The following MYBPC2 variants were observed in gnomAD, a reference collection of about 807,000 sequenced individuals.
MYBPC2 encodes the protein myosin binding protein C2, also known as myosin-binding protein C, fast-type.
A neutral mutation model predicts 137.0 loss-of-function variants in MYBPC2; 122 were observed. The ratio of observed to expected loss-of-function variants is 0.89; its 90% CI spans 0.77 to 1.03. MYBPC2 has a LOEUF of 1.03. Ranked by LOEUF, MYBPC2 falls within the 50% of genes least tolerant of loss-of-function variation. The probability of loss-of-function intolerance (pLI) is 0.00; values close to 1 mark genes in which losing one functional copy is unlikely to be tolerated. For missense variants in MYBPC2, 1,500 were observed against 1,534.4 expected (o/e 0.98, Z 0.37); for synonymous variants, 626 against 612.3 (o/e 1.02, Z -0.33).
At chr19:50,440,342 A>ATAAATAAATAAG (rs2122582679) in intron 7 of MYBPC2, among the ~76,000 whole-genome samples, 1 of 151,172 alleles carries the variant, frequency 6.6e-6, no homozygotes, top group Non-Finnish European at 1.5e-5. Context: ...AAATAAATAA[A>ATAAATAAATAAG]TAAATAAATA....
Position 50,435,711 on chromosome 19 carries a change from G to A in MYBPC2, c.110-65G>A. 7.4e-7 allele frequency: 1 copy of A among 1,353,248 alleles called. No individual in the cohort carries two copies. 83.8% of individuals were successfully genotyped at this position (1,353,248 alleles called of 1,614,324 possible). On this transcript the variant is annotated intron_variant, in intron 2 of 27. Transcript: ENST00000357701. This position sits in a 1 kb window ranked among gnomAD's most constrained non-coding sequence, Gnocchi z 4.8. ...ACTGTCTCTAAGTCCTTTCCCCAAA[G>A]CGGCCCACTGTCCCCTCCCCAGCCT...
chr19:50,455,876 C>A (rs562862135), intron 20 of MYBPC2, among the ~76,000 whole-genome samples: 2 of 152,166 alleles, frequency 1.3e-5, no homozygotes, highest in African/African-American at 4.8e-5. Flanking sequence ...TTCTGTCATT[C>A]CATCTATCCT....
intron 7 of MYBPC2, 21 bp from the exon 8 acceptor site, chr19:50,440,859 G>A: frequency 1.2e-6 from 2 of 1,604,874 alleles, no homozygotes; most frequent in Non-Finnish European, 1.7e-6. Context: ...GATGGCCCCT[G>A]TCCGTTCCCC....
rs373203655 is a variant in MYBPC2 at position 50,460,152 on chromosome 19, C to T, written c.2904C>T (p.Phe968=). The T allele has an allele frequency of 4.7e-5, 75 of 1,597,718 alleles. No homozygotes were observed. The African/African-American group carries it at 5.6e-4, about 12-fold the overall frequency. ...GGAACAGTGAGATCATGGGGTATTT[C>T]GTCCAGAAAGCAGACAAAAAAACCA... ...DDGNSEIMGY[F]VQKADKKTME... Residue 968 remains phenylalanine (F), a synonymous_variant, in exon 24 of 28, where the codon TTC becomes TTT. Coordinates refer to ENST00000357701, the MANE Select transcript of MYBPC2 (RefSeq NM_004533.4).
rs1316948964 is a variant in MYBPC2 at position 50,454,278 on chromosome 19, C to T, written c.1923C>T (p.Pro641=). 1 of 1,613,946 alleles carries T rather than the reference C, an allele frequency of 6.2e-7. No individual in the cohort carries two copies. The highest frequency in any genetic ancestry group is 1.7e-5 in the Admixed American group (1 of 60,010). Residue 641 remains proline, a synonymous_variant, in exon 18 of 28, where the codon CCC becomes CCT. Transcript: ENST00000357701. ...IFLQVVDVPD[P]PEAVRITSVG... ...TGCCCCCTGCAGATGTCCCAGACCC[C>T]CCGGAGGCTGTGCGCATCACCTCGG...
rs969594119 is a variant in MYBPC2 at position 50,452,030 on chromosome 19, C to T, written c.1749+27C>T. On this transcript the variant is annotated intron_variant, in intron 16 of 27. Coordinates refer to ENST00000357701, the MANE Select transcript of MYBPC2 (RefSeq NM_004533.4). ...TGGGTTGGGGCCGCCCCTCTGTCCT[C>T]ACTCCCTTTCCGTTTAGGCAAGTCT... 6 of 1,547,440 alleles carry T rather than the reference C, an allele frequency of 3.9e-6. No individual in the cohort carries two copies. In the African/African-American group the frequency reaches 8.2e-5, roughly 21 times the overall value.
chr19:50,454,146 G>A lies in MYBPC2; in HGVS notation c.1876G>A (p.Glu626Lys), dbSNP rs747255135. ...CATCAAGGTCACCAACCCCGTCGGCGAGGACGTGGCTTCCATCTTCCTGCA... is the reference window on the plus strand; with the variant it reads ...CATCAAGGTCACCAACCCCGTCGGCAAGGACGTGGCTTCCATCTTCCTGCA... ...YTIKVTNPVGEDVASIFLQVV... is the reference protein window; with the variant it reads ...YTIKVTNPVGKDVASIFLQVV... The change falls in exon 17 of 28, where the codon GAG becomes AAG. Residue 626 changes from glutamate (E) to lysine (K), a missense_variant. Coordinates refer to ENST00000357701, the MANE Select transcript of MYBPC2 (RefSeq NM_004533.4). The A allele has an allele frequency of 2.7e-5, 44 of 1,613,626 alleles. No individual in the cohort carries two copies. The South Asian group carries it at 3.1e-4, about 11-fold the overall frequency.
chr19:50,461,735 C>G, intron 25 of MYBPC2, 34 bp downstream of exon 25: 1 of 1,611,500 alleles, frequency 6.2e-7, no homozygotes, highest in Non-Finnish European at 8.5e-7. Context: ...CCAGGCCCAC[C>G]CCGTCCACCC....
Position 50,454,074 on chromosome 19 carries a change from A to G in MYBPC2, c.1804A>G (p.Ser602Gly). 1 of 1,610,994 alleles carries G rather than the reference A, an allele frequency of 6.2e-7. No individual in the cohort carries two copies. The highest frequency in any genetic ancestry group is 1.3e-5 in the African/African-American group (1 of 74,928). The change falls in exon 17 of 28, where the codon AGC (serine) becomes GGC (glycine). Residue 602 changes from serine to glycine, a missense_variant. By Grantham distance (56) the Ser-to-Gly change is moderately conservative (BLOSUM62 0). Coordinates refer to ENST00000357701, the MANE Select transcript of MYBPC2 (RefSeq NM_004533.4). ...TRIEKRVDCS[S>G]FVIESAQRED... ...CATCGAGAAGCGGGTGGACTGCAGC[A>G]GCTTTGTGATTGAGAGTGCGCAGCG...
Position 50,454,292 on chromosome 19 carries a change from G to C in MYBPC2, c.1937G>C (p.Arg646Pro). The stretch of plus-strand genomic sequence containing the variant: ...GTCCCAGACCCCCCGGAGGCTGTGC[G>C]CATCACCTCGGTTGGAGAGGATTGG... ...VDVPDPPEAV[R>P]ITSVGEDWAI... The change falls in exon 18 of 28, where the codon CGC becomes CCC. Residue 646 changes from arginine (R) to proline (P), a missense_variant. By Grantham distance (103) the Arg-to-Pro change is moderately radical (BLOSUM62 -2). Coordinates refer to ENST00000357701, the MANE Select transcript of MYBPC2 (RefSeq NM_004533.4). 6.2e-7 allele frequency: 1 copy of C among 1,613,922 alleles called. No individual in the cohort carries two copies. The highest frequency in any genetic ancestry group is 8.5e-7 in the Non-Finnish European group (1 of 1,179,876).
At chr19:50,434,923 G>T (rs1350201184) in intron 1 of MYBPC2, among the ~76,000 whole-genome samples, 2 of 152,060 alleles carry the variant, frequency 1.3e-5, no homozygotes, top group Non-Finnish European at 2.9e-5. Flanking sequence ...AGGGAAACCC[G>T]ATCCCACAGA....
chr19:50,456,435 CTTTTT>C (rs573334192), intron 20 of MYBPC2, among the ~76,000 whole-genome samples: 1 of 132,418 alleles, frequency 7.6e-6, no homozygotes, highest in African/African-American at 2.8e-5. Context: ...CTCTCTCTCT[CTTTTT>C]TTTTTTTTTT....
At chr19:50,440,748 A>G in intron 7 of MYBPC2, 132 bp from the exon 8 acceptor site, 1 of 856,992 alleles carries the variant, frequency 1.2e-6, no homozygotes, top group East Asian at 2.7e-5. Flanking sequence ...GCAATGGACC[A>G]GGCGGGAAAC....
At chr19:50,442,848 G>A (rs185523066) in intron 9 of MYBPC2, among the ~76,000 whole-genome samples, 164 of 151,694 alleles carry the variant, frequency 1.1e-3, no homozygotes, top group African/African-American at 3.7e-3. Flanking sequence ...CATGATCTCA[G>A]TTCACTGCAA....
In MYBPC2 at chr19:50,455,532, C is replaced by A. The variant is rs1380893882; in HGVS notation, c.2226C>A (p.His742Gln). The change falls in exon 20 of 28, where the codon CAC (histidine) becomes CAA (glutamine). Residue 742 changes from histidine to glutamine, a missense_variant. His to Gln is a conservative substitution (Grantham distance 24). Transcript: ENST00000357701. ...MPIAPTSEPL[H>Q]LIVEDVTDTT... ...CAGCACCCACGAGTGAACCCCTGCACCTGATAGTGGAGGATGTGACAGACA... is the reference window on the plus strand; with the variant it reads ...CAGCACCCACGAGTGAACCCCTGCAACTGATAGTGGAGGATGTGACAGACA... The A allele has an allele frequency of 6.8e-6, 11 of 1,613,896 alleles. No homozygotes were observed. The highest frequency in any genetic ancestry group is 5.5e-5 in the South Asian group (5 of 91,070).
At chr19:50,441,175 C>G (rs2039751200) in intron 8 of MYBPC2, 99 bp downstream of exon 8, 1 of 1,310,978 alleles carries the variant, frequency 7.6e-7, no homozygotes, top group Admixed American at 3.0e-5. Context: ...TTTCGAGGTC[C>G]CAATGAGGTA....
At position 50,440,881 on chromosome 19, in the gene MYBPC2, G is replaced by A; in HGVS notation, c.574G>A (p.Glu192Lys). The A allele has an allele frequency of 1.2e-6, 2 of 1,611,940 alleles. No individual in the cohort carries two copies. The highest frequency in any genetic ancestry group is 1.7e-6 in the Non-Finnish European group (2 of 1,178,830). Reference sequence around the variant, plus strand: ...CCTGTCCGTTCCCCCACCCGCCAGGGAGGTGGTGGAGGAGGAGAAGAAGAA... The same window carrying A: ...CCTGTCCGTTCCCCCACCCGCCAGGAAGGTGGTGGAGGAGGAGAAGAAGAA... Reference protein sequence around the residue: ...LDFSGLLKKREVVEEEKKKKK... With the variant: ...LDFSGLLKKRKVVEEEKKKKK... The change falls in exon 8 of 28, where the codon GAG becomes AAG. Residue 192 changes from glutamate to lysine, a missense_variant and splice_region_variant. By Grantham distance (56) the Glu-to-Lys change is moderately conservative (BLOSUM62 1). Transcript: ENST00000357701.
At chr19:50,445,425 C>T (rs2039794898) in intron 11 of MYBPC2, among the ~76,000 whole-genome samples, 1 of 149,886 alleles carries the variant, frequency 6.7e-6, no homozygotes, top group Admixed American at 6.7e-5. Context: ...CAGAGTCTCA[C>T]TCTGTCACCC....
At position 50,435,520 on chromosome 19, in the gene MYBPC2, AG is replaced by A. The variant is rs1306753384; in HGVS notation, c.110-254del. 6.6e-6 allele frequency among the ~76,000 whole-genome samples: 1 copy of A among 152,212 alleles called. No individual in the cohort carries two copies. The highest frequency in any genetic ancestry group is 2.4e-5 in the African/African-American group (1 of 41,468). On this transcript the variant is annotated intron_variant, in intron 2 of 27. Transcript: ENST00000357701. This position sits in a 1 kb window ranked among gnomAD's most constrained non-coding sequence, Gnocchi z 4.8. ...TCTCTCTAAACCTCTCCCGCCCCAAAGGCACATTCAGTGCCCTCCAGTCCAC... is the reference window on the plus strand; with the variant it reads ...TCTCTCTAAACCTCTCCCGCCCCAAAGCACATTCAGTGCCCTCCAGTCCAC...
Sources: gnomAD v4.1 joint callset for allele counts (sites outside exome capture counted in the v4.1 genomes callset) on GRCh38, gnomAD v4.1.1 for gene constraint, Gnocchi (gnomAD v3.1) non-coding constraint, MANE v1.5 for transcripts, NCBI Gene and HGNC (gene_info 2026-07-23, HGNC 2026-07-21) for gene names.